PAM: variants seen among roughly 807,000 people sequenced by gnomAD.
PAM encodes peptidyl-glycine alpha-amidating monooxygenase.
In PAM, 72 loss-of-function variants were observed where a neutral mutation model predicts 122.1. The observed-to-expected ratio is 0.59, with a 90% CI of 0.49 to 0.72. The LOEUF is 0.72. Ranked by LOEUF, PAM falls within the 30% of genes least tolerant of loss-of-function variation. The pLI is 0.00. For missense variants in PAM, 1,106 were observed against 1,183.7 expected (o/e 0.93, Z 0.96); for synonymous variants, 389 against 404.4 (o/e 0.96, Z 0.46).
intron 7 of PAM, among the ~76,000 whole-genome samples, chr5:102,944,984 T>C (rs548447092): frequency 2.0e-5 from 3 of 152,274 alleles, no homozygotes; most frequent in South Asian, 2.1e-4. Context: ...GTTTCTTTCA[T>C]TAAAGAAATT....
chr5:102,829,665 C>T (rs980067141), intron 1 of PAM, among the ~76,000 whole-genome samples: 1 of 152,154 alleles, frequency 6.6e-6, no homozygotes, highest in African/African-American at 2.4e-5. Context: ...TGAGCCACTG[C>T]GCCTGGCCGC....
rs1212518088 is a variant in PAM, at chr5:102,941,093, TA to T, written c.527-5743del. The stretch of plus-strand genomic sequence containing the variant: ...AAATCATAACTTCACTGTAGACTCA[TA>T]TTTTTTTGCATTCATAAAAGATGGA... On this transcript the variant is annotated intron_variant, in intron 7 of 25. Coordinates refer to ENST00000438793, the MANE Select transcript of PAM (RefSeq NM_001177306.2). Among the ~76,000 whole-genome samples the T allele has an allele frequency of 3.9e-5, 6 of 152,348 alleles. No homozygotes were observed. The East Asian group carries it at 9.6e-4, about 24-fold the overall frequency.
chr5:103,001,645 C>T lies in PAM; in HGVS notation c.1614-1388C>T, dbSNP rs1333872461. 2.0e-5 allele frequency among the ~76,000 whole-genome samples: 3 copies of T among 152,060 alleles called. No individual in the cohort carries two copies. The East Asian group carries it at 5.8e-4, about 29-fold the overall frequency. On this transcript the variant is annotated intron_variant, in intron 16 of 25. Coordinates refer to ENST00000438793, the MANE Select transcript of PAM (RefSeq NM_001177306.2). ...TTTCAGGAAAACTATACCCAAAAGA[C>T]TGTAACAGTCAAGTAGCTCAGATAA... is the stretch of plus-strand genomic sequence containing the variant.
At chr5:102,957,551 C>T (rs779683835) in intron 12 of PAM, among the ~76,000 whole-genome samples, 7 of 150,872 alleles carry the variant, frequency 4.6e-5, no homozygotes, top group Admixed American at 6.6e-5. Flanking sequence ...TTTTTTGAGA[C>T]GGAGTCTCAG....
At chr5:102,859,586 T>TTTTA in intron 1 of PAM, among the ~76,000 whole-genome samples, 1 of 152,124 alleles carries the variant, frequency 6.6e-6, no homozygotes, top group Admixed American at 6.5e-5. Context: ...AATTTATTAT[T>TTTTA]GAAGAATATT....
chr5:103,006,054 C>G (rs1562219153), intron 18 of PAM, among the ~76,000 whole-genome samples: 1 of 152,180 alleles, frequency 6.6e-6, no homozygotes, highest in East Asian at 1.9e-4. Context: ...CCCACCTTAG[C>G]CTCCCAAGTA....
chr5:102,853,145 T>C (rs946130822), intron 1 of PAM, among the ~76,000 whole-genome samples: 8 of 152,202 alleles, frequency 5.3e-5, no homozygotes, highest in African/African-American at 1.9e-4. Context: ...CAACACAAAC[T>C]TGAGGCTAAG....
At position 102,932,242 on chromosome 5, in the gene PAM, T is replaced by C. The variant is rs181255337; in HGVS notation, c.526+5574T>C. Reference sequence around the variant, plus strand: ...TGGGCACAGTGGCTCACGCCTGTAATCTCAGGAGGCCGAAGCAGGCAGATC... The same window carrying C: ...TGGGCACAGTGGCTCACGCCTGTAACCTCAGGAGGCCGAAGCAGGCAGATC... On this transcript the variant is annotated intron_variant, in intron 7 of 25. Transcript: ENST00000438793. Among the ~76,000 whole-genome samples the C allele has an allele frequency of 3.2e-3, 491 of 152,218 alleles. 1 individual carries two copies. The highest frequency in any genetic ancestry group is 6.0e-3 in the Non-Finnish European group (410 of 68,012).
At position 102,975,474 on chromosome 5, in the gene PAM, T is replaced by C. The variant is rs1767329520; in HGVS notation, c.1483+1038T>C. Among the ~76,000 whole-genome samples, 3 of 152,210 alleles carry C rather than the reference T, an allele frequency of 2.0e-5. No individual in the cohort carries two copies. In the South Asian group the frequency reaches 6.2e-4, roughly 31 times the overall value. ...AACTGGAACCTGGATTTTTAACTTT[T>C]CATGTTTAAACAGGATCAGCCCTGC... is the stretch of plus-strand genomic sequence containing the variant. On this transcript the variant is annotated intron_variant, in intron 15 of 25. Coordinates refer to ENST00000438793, the MANE Select transcript of PAM (RefSeq NM_001177306.2).
At chr5:102,759,925 C>G (rs564896184) in intron 1 of PAM, among the ~76,000 whole-genome samples, 1 of 152,144 alleles carries the variant, frequency 6.6e-6, no homozygotes, top group South Asian at 2.1e-4. Flanking sequence ...GGAAGCTTAC[C>G]GTGGTCATAG....
At position 103,028,868 on chromosome 5, in the gene PAM, ATTG is replaced by A; in HGVS notation, c.2744-16_2744-14del. ...GCTGCAAACTTTACCCAATTCTGTT[ATTG>A]TTTGCTTTTTTTCAGGAAAGGGAAG... On this transcript the variant is annotated splice_polypyrimidine_tract_variant and intron_variant, in intron 25 of 25. Transcript: ENST00000438793. 1 of 1,578,484 alleles carries A rather than the reference ATTG, an allele frequency of 6.3e-7. No homozygotes were observed. Among genetic ancestry groups the A allele is most frequent in the African/African-American group, 1.4e-5 (1 of 73,388 alleles).
intron 1 of PAM, among the ~76,000 whole-genome samples, chr5:102,758,458 G>A (rs1407714366): frequency 2.0e-5 from 3 of 152,120 alleles, no homozygotes; most frequent in African/African-American, 2.4e-5. Flanking sequence ...TGGTATAATA[G>A]CCATAAATGC....
intron 7 of PAM, among the ~76,000 whole-genome samples, chr5:102,942,337 A>T (rs557075462): frequency 2.0e-5 from 3 of 152,106 alleles, no homozygotes; most frequent in Non-Finnish European, 2.9e-5. Flanking sequence ...TTAATTTAGA[A>T]CAAAGAACCA....
At chr5:102,778,297 A>G (rs1027228459) in intron 1 of PAM, among the ~76,000 whole-genome samples, 6 of 152,130 alleles carry the variant, frequency 3.9e-5, no homozygotes, top group Admixed American at 2.0e-4. Context: ...CTTCCCCATA[A>G]GATGGTAACA....
intron 1 of PAM, among the ~76,000 whole-genome samples, chr5:102,766,166 T>C (rs555961495): frequency 9.2e-5 from 14 of 152,302 alleles, no homozygotes; most frequent in African/African-American, 3.4e-4. Flanking sequence ...AGTTTTTCCA[T>C]GGACTGGGGT....
intron 1 of PAM, among the ~76,000 whole-genome samples, chr5:102,858,945 C>G (rs1364676107): frequency 1.3e-5 from 2 of 152,142 alleles, no homozygotes; most frequent in South Asian, 4.1e-4. Flanking sequence ...CTAGTAACAT[C>G]GTAGTCATCA....
chr5:102,860,450 A>T (rs1348649784), intron 1 of PAM, among the ~76,000 whole-genome samples: 1 of 152,170 alleles, frequency 6.6e-6, no homozygotes, highest in Non-Finnish European at 1.5e-5. Flanking sequence ...TGGAAGGGCG[A>T]GGTGGGGGAA....
At chr5:102,932,986 G>A (rs537146336) in intron 7 of PAM, among the ~76,000 whole-genome samples, 1 of 151,972 alleles carries the variant, frequency 6.6e-6, no homozygotes, top group East Asian at 1.9e-4. Context: ...TTCACACAAC[G>A]CACTACATGG....
chr5:102,802,964 A>T (rs1561485607), intron 1 of PAM, among the ~76,000 whole-genome samples: 1 of 152,098 alleles, frequency 6.6e-6, no homozygotes, highest in Admixed American at 6.5e-5. Flanking sequence ...CACACAAAAA[A>T]CATTAAAAAA....
Sources: gnomAD v4.1 joint callset for allele counts (sites outside exome capture counted in the v4.1 genomes callset) on GRCh38, gnomAD v4.1.1 for gene constraint, MANE v1.5 for transcripts, NCBI Gene and HGNC (gene_info 2026-07-23, HGNC 2026-07-21) for gene names.